Variants in DNAH1 observed in about 807,000 individuals in gnomAD.
DNAH1 encodes the protein axonemal beta dynein heavy chain 1.
Under a neutral mutation model 484.3 loss-of-function variants are expected in DNAH1, and 327 were observed. The ratio of observed to expected loss-of-function variants is 0.68; its 90% CI spans 0.62 to 0.74. The LOEUF (loss-of-function observed/expected upper bound fraction) is 0.74. Ranked by LOEUF, DNAH1 falls within the 30% of genes least tolerant of loss-of-function variation. DNAH1 has a pLI of 0.00. For missense variants in DNAH1, 5,052 were observed against 5,546.8 expected (o/e 0.91, Z 2.83); for synonymous variants, 2,192 against 2,191.9 (o/e 1.00, Z 0.00).
chr3:52,335,580 A>G (rs573459902), intron 8 of DNAH1, among the ~76,000 whole-genome samples: 111 of 152,028 alleles, frequency 7.3e-4, no homozygotes, highest in African/African-American at 2.5e-3. Context: ...AAGTGCTGGG[A>G]TTATAGGTGT....
rs1335379275 is a variant in DNAH1, at chr3:52,398,147, T to A, written c.12074T>A (p.Val4025Glu). 6.2e-7 allele frequency: 1 copy of A among 1,609,122 alleles called. No individual in the cohort carries two copies. Among genetic ancestry groups the A allele is most frequent in the Admixed American group, 1.7e-5 (1 of 59,702 alleles). ...GAGGAATCAATGAACACAGTACTAGTACAAGAGGTCATTAGGTAATCACCC... is the reference window on the plus strand; with the variant it reads ...GAGGAATCAATGAACACAGTACTAGAACAAGAGGTCATTAGGTAATCACCC... ...LYEESMNTVL[V>E]QEVIRYNRLL... The change falls in exon 75 of 78, where the codon GTA (valine) becomes GAA (glutamate). Residue 4025 changes from valine to glutamate, a missense_variant. Coordinates refer to ENST00000420323, the MANE Select transcript of DNAH1 (RefSeq NM_015512.5).
chr3:52,317,745 G>C (rs993739042), intron 1 of DNAH1: 1 of 152,278 alleles, frequency 6.6e-6, no homozygotes, highest in African/African-American at 2.4e-5. Flanking sequence ...GGAAGTAACC[G>C]AGACCTGGAG....
At chr3:52,352,755 A>G (rs1007517765) in intron 18 of DNAH1, 48 bp downstream of exon 18, 7 of 1,580,602 alleles carry the variant, frequency 4.4e-6, no homozygotes, top group South Asian at 3.4e-5. Context: ...GGCTTGAGGA[A>G]GCAGCTCATG....
intron 66 of DNAH1, among the ~76,000 whole-genome samples, chr3:52,393,817 T>G (rs1704499777): frequency 6.6e-6 from 1 of 152,236 alleles, no homozygotes; most frequent in South Asian, 2.1e-4. Context: ...GAGAATCGCT[T>G]GAACCCAGAA....
intron 8 of DNAH1, among the ~76,000 whole-genome samples, chr3:52,336,137 T>G (rs1202051297): frequency 6.6e-6 from 1 of 152,222 alleles, no homozygotes; most frequent in Non-Finnish European, 1.5e-5. Context: ...CTTCAATTTT[T>G]GTTTTTGTTG....
intron 36 of DNAH1, among the ~76,000 whole-genome samples, chr3:52,367,903 A>T (rs1413774681): frequency 6.6e-6 from 1 of 152,236 alleles, no homozygotes; most frequent in Non-Finnish European, 1.5e-5. Context: ...CATGCTGAGG[A>T]AGAACATATT....
chr3:52,339,029 G>A (rs536139640), intron 8 of DNAH1, among the ~76,000 whole-genome samples: 10 of 151,018 alleles, frequency 6.6e-5, no homozygotes, highest in South Asian at 2.1e-4. Context: ...GCCAGACTCC[G>A]TCTAAAAAAA....
At chr3:52,340,241 C>T (rs1559502453) in intron 8 of DNAH1, among the ~76,000 whole-genome samples, 1 of 151,852 alleles carries the variant, frequency 6.6e-6, no homozygotes, top group African/African-American at 2.4e-5. Context: ...TGCCACCACA[C>T]CCGCTATTTT....
chr3:52,386,239 C>T lies in DNAH1; in HGVS notation c.8705C>T (p.Ala2902Val), dbSNP rs1559560334. Residue 2902 changes from alanine to valine, a missense_variant, in exon 55 of 78, where the codon GCA becomes GTA. Around this residue, in one of 4 missense-constraint regions of DNAH1, gnomAD observed 2,929 missense variants for 3,409.4 expected, o/e 0.86. Coordinates refer to ENST00000420323, the MANE Select transcript of DNAH1 (RefSeq NM_015512.5). Reference protein sequence around the residue: ...EIKANEKAKKAQAIADDAQKD... With the variant: ...EIKANEKAKKVQAIADDAQKD... ...AAAGCCAATGAGAAGGCCAAGAAGG[C>T]ACAAGCTATTGCTGACGATGCCCAG... is the stretch of plus-strand genomic sequence containing the variant. 5.0e-6 allele frequency: 8 copies of T among 1,613,498 alleles called. No individual in the cohort carries two copies. The highest frequency in any genetic ancestry group is 5.9e-6 in the Non-Finnish European group (7 of 1,179,776).
At chr3:52,383,788 G>A in intron 51 of DNAH1, 72 bp from the exon 52 acceptor site, 1 of 1,491,540 alleles carries the variant, frequency 6.7e-7, no homozygotes, top group Non-Finnish European at 9.0e-7. Context: ...GCTGTGCAAG[G>A]GCCCTGGGTC....
At chr3:52,363,218 A>AG (rs1027593835) in intron 32 of DNAH1, 74 bp downstream of exon 32, 1 of 1,581,874 alleles carries the variant, frequency 6.3e-7, no homozygotes, top group Non-Finnish European at 8.6e-7. Context: ...GCACCTGCTG[A>AG]GGGCCAGGCT....
intron 10 of DNAH1, 122 bp downstream of exon 10, chr3:52,345,828 C>G: frequency 9.6e-7 from 1 of 1,045,902 alleles, no homozygotes; most frequent in Non-Finnish European, 1.4e-6. Flanking sequence ...CTGTGAGCCC[C>G]TGCTTTTCTC....
In DNAH1 at chr3:52,380,052, C is replaced by A; in HGVS notation, c.7525C>A (p.Pro2509Thr). The stretch of plus-strand genomic sequence containing the variant: ...GGAGGTGACCTTCAACAAGGTCTGC[C>A]CCTTCCAGCCCATTCTTTACGGGGA... The part of the protein sequence containing the change: ...QWEVTFNKVC[P>T]FQPILYGDFM... The change falls in exon 48 of 78, where the codon CCC becomes ACC. Residue 2509 changes from proline (P) to threonine (T), a missense_variant. Pro to Thr is a conservative substitution (Grantham distance 38). Around this residue, in one of 4 missense-constraint regions of DNAH1, gnomAD observed 2,929 missense variants for 3,409.4 expected, o/e 0.86. Coordinates refer to ENST00000420323, the MANE Select transcript of DNAH1 (RefSeq NM_015512.5). 6.2e-7 allele frequency: 1 copy of A among 1,603,504 alleles called. No homozygotes were observed. Among genetic ancestry groups the A allele is most frequent in the Non-Finnish European group, 8.5e-7 (1 of 1,175,100 alleles).
rs1227158467 is a variant in DNAH1, at chr3:52,400,333, T to C, written c.12685T>C (p.Ser4229Pro). The stretch of plus-strand genomic sequence containing the variant: ...CTCCTTGCCCATTCCAGGAACACTA[T>C]CAACCACAGGACACTCTACCAACTA... Reference protein sequence around the residue: ...YKTLTRAGTLSTTGHSTNYVI... With the variant: ...YKTLTRAGTLPTTGHSTNYVI... Residue 4229 changes from serine (S) to proline (P), a missense_variant, in exon 78 of 78, where the codon TCA becomes CCA. Ser to Pro is a moderately conservative substitution (Grantham distance 74, BLOSUM62 -1). Transcript: ENST00000420323. 6.2e-7 allele frequency: 1 copy of C among 1,613,822 alleles called. No individual in the cohort carries two copies. The highest frequency in any genetic ancestry group is 8.5e-7 in the Non-Finnish European group (1 of 1,179,880).
chr3:52,395,791 T>C lies in DNAH1; in HGVS notation c.11259+113T>C. 6.9e-7 allele frequency: 1 copy of C among 1,449,412 alleles called. No homozygotes were observed. The highest frequency in any genetic ancestry group is 1.3e-5 in the South Asian group (1 of 75,234). The allele number at this position is 1,449,412 out of a possible 1,614,324, so 89.8% of individuals were successfully genotyped here. On this transcript the variant is annotated intron_variant, in intron 70 of 77. Transcript: ENST00000420323. This position sits in a 1 kb window ranked among gnomAD's most constrained non-coding sequence, Gnocchi z 4.4. ...AGCACTCTGCCCAGCCTCTAGCACGTGGCAAGTGCTCAGCAACTGACATGT... is the reference window on the plus strand; with the variant it reads ...AGCACTCTGCCCAGCCTCTAGCACGCGGCAAGTGCTCAGCAACTGACATGT...
At position 52,395,549 on chromosome 3, in the gene DNAH1, C is replaced by A. The variant is rs370214718; in HGVS notation, c.11130C>A (p.Gly3710=). ...GCTCAGTGCTCTTGCCCCTGCAGGG[C>A]CCTCGGGCAGAAGCCATGATGCGCA... The part of the protein sequence containing the change: ...LSAISLGQGQ[G]PRAEAMMRSS... Residue 3710 remains glycine, a splice_region_variant and synonymous_variant, in exon 70 of 78, where the codon GGC becomes GGA. Transcript: ENST00000420323. The surrounding 1 kb of genome is among the most constrained non-coding windows in gnomAD (Gnocchi z 4.4). The A allele has an allele frequency of 1.4e-5, 23 of 1,613,452 alleles. No homozygotes were observed. The highest frequency in any genetic ancestry group is 5.9e-6 in the Non-Finnish European group (7 of 1,179,896).
intron 11 of DNAH1, among the ~76,000 whole-genome samples, chr3:52,347,455 A>G (rs540184439): frequency 6.6e-6 from 1 of 152,314 alleles, no homozygotes; most frequent in East Asian, 1.9e-4. Flanking sequence ...AGAAGCCATC[A>G]GAGGGTTCCA....
At chr3:52,312,312 G>C (rs774035038), upstream of DNAH1, among the ~76,000 whole-genome samples, 2 of 152,024 alleles carry the variant, frequency 1.3e-5, no homozygotes, top group African/African-American at 4.8e-5. Flanking sequence ...ACAGACGGGG[G>C]TATCTTGGGT....
chr3:52,362,988 G>C lies in DNAH1; in HGVS notation c.5095-7G>C, dbSNP rs767023739. 1 of 1,613,394 alleles carries C rather than the reference G, an allele frequency of 6.2e-7. No homozygotes were observed. The highest frequency in any genetic ancestry group is 8.5e-7 in the Non-Finnish European group (1 of 1,179,714). On this transcript the variant is annotated splice_region_variant and splice_polypyrimidine_tract_variant and intron_variant, in intron 31 of 77. Coordinates refer to ENST00000420323, the MANE Select transcript of DNAH1 (RefSeq NM_015512.5). The surrounding 1 kb of genome is among the most constrained non-coding windows in gnomAD (Gnocchi z 5.1). ...TTTGCTGTTCACATGTGCACTGTGT[G>C]TCCCAGGCGCTCTTCCGACCCGTGG... is the stretch of plus-strand genomic sequence containing the variant.
Sources: allele counts gnomAD v4.1 joint callset (sites outside exome capture counted in the v4.1 genomes callset), GRCh38; gene constraint gnomAD v4.1.1; regional missense constraint gnomAD v4.1.1; non-coding constraint Gnocchi (gnomAD v3.1); transcripts MANE v1.5; gene names NCBI Gene and HGNC (gene_info 2026-07-23, HGNC 2026-07-21).